PTPRT: variants seen among roughly 807,000 people sequenced by gnomAD.
PTPRT encodes the protein protein tyrosine phosphatase receptor type T.
In PTPRT, 56 loss-of-function variants were observed where a neutral mutation model predicts 176.8. That is an observed-to-expected ratio of 0.32 (90% CI 0.26 to 0.40). The LOEUF is 0.40. Ranked by LOEUF, PTPRT falls within the 10% of genes least tolerant of loss-of-function variation. The pLI, the probability that PTPRT is intolerant of heterozygous loss-of-function variation, is 1.00. For synonymous variants in PTPRT, 783 were observed against 739.0 expected (o/e 1.06, Z -0.96); for missense variants, 1,540 against 1,908.2 (o/e 0.81, Z 3.60).
chr20:43,093,701 A>T (rs1317198157), intron 1 of PTPRT, among the ~76,000 whole-genome samples: 1 of 151,992 alleles, frequency 6.6e-6, no homozygotes, highest in African/African-American at 2.4e-5. Flanking sequence ...TTCCCATTAC[A>T]CTTATGGAAT....
At chr20:42,935,325 A>C (rs1261418460) in intron 1 of PTPRT, among the ~76,000 whole-genome samples, 1 of 151,848 alleles carries the variant, frequency 6.6e-6, no homozygotes, top group Non-Finnish European at 1.5e-5. Flanking sequence ...TTTTTTGTAA[A>C]GACAAGGTCT....
At chr20:42,784,442 ATTAAGAGAGAC>A (rs2077259396) in intron 3 of PTPRT, among the ~76,000 whole-genome samples, 1 of 152,198 alleles carries the variant, frequency 6.6e-6, no homozygotes, top group South Asian at 2.1e-4. Context: ...TTAGGGTAAA[ATTAAGAGAGAC>A]TTTTTTTACC....
chr20:42,621,489 G>A (rs535153900), intron 7 of PTPRT, among the ~76,000 whole-genome samples: 3 of 152,296 alleles, frequency 2.0e-5, no homozygotes, highest in East Asian at 3.9e-4. Flanking sequence ...CCTGTGGATT[G>A]TAAATTCTCC....
chr20:43,160,831 G>C (rs1458807093), intron 1 of PTPRT, among the ~76,000 whole-genome samples: 1 of 151,916 alleles, frequency 6.6e-6, no homozygotes, highest in Non-Finnish European at 1.5e-5. Flanking sequence ...GCCCTGTACT[G>C]CTTCCTGGCC....
At chr20:43,006,416 T>C (rs567575017) in intron 1 of PTPRT, among the ~76,000 whole-genome samples, 1 of 152,282 alleles carries the variant, frequency 6.6e-6, no homozygotes, top group Non-Finnish European at 1.5e-5. Flanking sequence ...TCATATGGGC[T>C]TTCACCCCAA....
At chr20:42,354,090 T>C (rs942299751) in intron 9 of PTPRT, among the ~76,000 whole-genome samples, 2 of 152,076 alleles carry the variant, frequency 1.3e-5, no homozygotes, top group African/African-American at 4.8e-5. Context: ...TGGTATAATA[T>C]ACATACAGAA....
chr20:42,195,532 T>G (rs894817364), intron 16 of PTPRT, among the ~76,000 whole-genome samples: 2 of 152,056 alleles, frequency 1.3e-5, no homozygotes, highest in Non-Finnish European at 2.9e-5. Context: ...TAAAGGTACC[T>G]GATGCATTCT....
chr20:43,005,146 G>C (rs1984787265), intron 1 of PTPRT, among the ~76,000 whole-genome samples: 1 of 151,940 alleles, frequency 6.6e-6, no homozygotes. Flanking sequence ...GAACCAGGGT[G>C]CTTTTTAAAA....
chr20:43,160,613 C>T (rs2014665793), intron 1 of PTPRT, among the ~76,000 whole-genome samples: 1 of 152,104 alleles, frequency 6.6e-6, no homozygotes, highest in African/African-American at 2.4e-5. Flanking sequence ...GATATAAAGC[C>T]AGTCAACAGG....
the PTPRT span, among the ~76,000 whole-genome samples, chr20:42,044,458 G>A: frequency 8.5e-5 from 13 of 152,326 alleles, no homozygotes; most frequent in African/African-American, 2.4e-4. Flanking sequence ...TAGGCATTGG[G>A]CATAGAGCCT....
At chr20:42,959,214 G>A (rs1363588133) in intron 1 of PTPRT, among the ~76,000 whole-genome samples, 5 of 152,106 alleles carry the variant, frequency 3.3e-5, no homozygotes, top group Non-Finnish European at 7.3e-5. Context: ...ACCTCATAGG[G>A]TTCTTATGAC....
intron 7 of PTPRT, among the ~76,000 whole-genome samples, chr20:42,542,255 T>A (rs1483396706): frequency 3.3e-5 from 5 of 152,272 alleles, no homozygotes; most frequent in African/African-American, 1.2e-4. Flanking sequence ...TAATATACTA[T>A]GTCAAAAACT....
intron 6 of PTPRT, among the ~76,000 whole-genome samples, chr20:42,729,406 C>G (rs1382988410): frequency 6.6e-6 from 1 of 152,192 alleles, no homozygotes; most frequent in Admixed American, 6.5e-5. Context: ...AAACAGTGAT[C>G]AAGGCTTTTC....
chr20:42,132,353 T>C (rs1042446725), intron 18 of PTPRT, among the ~76,000 whole-genome samples: 2 of 152,060 alleles, frequency 1.3e-5, no homozygotes, highest in Admixed American at 6.6e-5. Context: ...AACATAGGTG[T>C]GAAAAGTGCT....
chr20:42,970,410 T>A (rs1363834937), intron 1 of PTPRT, among the ~76,000 whole-genome samples: 2 of 152,236 alleles, frequency 1.3e-5, no homozygotes, highest in East Asian at 3.9e-4. Context: ...AGTATCAAAT[T>A]ATCACATTTT....
At chr20:42,717,504 G>A (rs1217024439) in intron 6 of PTPRT, among the ~76,000 whole-genome samples, 2 of 152,060 alleles carry the variant, frequency 1.3e-5, no homozygotes, top group South Asian at 2.1e-4. Flanking sequence ...AACACTTTAT[G>A]TGAAAATCAA....
chr20:42,708,841 G>A (rs182789170), intron 6 of PTPRT, among the ~76,000 whole-genome samples: 87 of 152,308 alleles, frequency 5.7e-4, no homozygotes, highest in African/African-American at 2.0e-3. Context: ...ACCTGAAATG[G>A]GTGATGACTA....
At chr20:42,428,021 T>G (rs4812600) in intron 9 of PTPRT, among the ~76,000 whole-genome samples, 123,544 of 152,098 alleles carry the variant, frequency 0.81, 50,324 homozygotes, top group Admixed American at 0.85. Flanking sequence ...GACTCAGCCC[T>G]CCTGCACCCA....
At chr20:42,104,892 A>G (rs532159610) in intron 24 of PTPRT, among the ~76,000 whole-genome samples, 174 bp from the exon 25 acceptor site, 7 of 152,334 alleles carry the variant, frequency 4.6e-5, no homozygotes, top group African/African-American at 1.4e-4. Context: ...TTTCCTAATG[A>G]TCACCTGAGC....
Sources: allele counts gnomAD v4.1 joint callset (sites outside exome capture counted in the v4.1 genomes callset), GRCh38; gene constraint gnomAD v4.1.1; transcripts MANE v1.5; gene names NCBI Gene and HGNC (gene_info 2026-07-23, HGNC 2026-07-21).